The following DDX60 variants were observed in gnomAD, a reference collection of about 807,000 sequenced individuals.
The protein encoded by DDX60 is probable ATP-dependent RNA helicase DDX60.
A neutral mutation model predicts 212.8 loss-of-function variants in DDX60; 165 were observed. The ratio of observed to expected loss-of-function variants is 0.78; its 90% CI spans 0.68 to 0.88. The LOEUF (loss-of-function observed/expected upper bound fraction) is 0.88. DDX60 is among the 40% of genes least tolerant of loss of function. The pLI is 0.00. For synonymous variants in DDX60, 703 were observed against 685.3 expected (o/e 1.03, Z -0.40); for missense variants, 1,905 against 2,003.9 (o/e 0.95, Z 0.94).
At chr4:168,286,966 T>C (rs1011416601) in intron 10 of DDX60, 82 bp downstream of exon 10, 3 of 1,040,634 alleles carry the variant, frequency 2.9e-6, no homozygotes, top group Admixed American at 6.4e-5. Context: ...TATTTATACT[T>C]GCAGCACTGA....
At chr4:168,228,799 T>C (rs1733346309) in intron 33 of DDX60, among the ~76,000 whole-genome samples, 1 of 152,118 alleles carries the variant, frequency 6.6e-6, no homozygotes, top group African/African-American at 2.4e-5. Context: ...ATTTTTTCTA[T>C]GTACCTAAAG....
chr4:168,249,634 A>C (rs1309581738), intron 28 of DDX60, among the ~76,000 whole-genome samples: 1 of 152,210 alleles, frequency 6.6e-6, no homozygotes, highest in African/African-American at 2.4e-5. Flanking sequence ...TTGAGCAACT[A>C]CTATTTAACA....
At chr4:168,311,589 G>T (rs1737136894) in intron 1 of DDX60, among the ~76,000 whole-genome samples, 1 of 152,122 alleles carries the variant, frequency 6.6e-6, no homozygotes, top group Admixed American at 6.6e-5. Flanking sequence ...TTTCCCTAAA[G>T]AAATAATGCT....
intron 3 of DDX60, among the ~76,000 whole-genome samples, chr4:168,310,285 T>A (rs1028880128): frequency 6.6e-6 from 1 of 152,068 alleles, no homozygotes; most frequent in African/African-American, 2.4e-5. Flanking sequence ...CACACAGTAA[T>A]CTATGGAAAG....
intron 30 of DDX60, among the ~76,000 whole-genome samples, chr4:168,238,055 A>T (rs1733692444): frequency 6.6e-6 from 1 of 152,004 alleles, no homozygotes; most frequent in African/African-American, 2.4e-5. Context: ...AAGAGTTTAT[A>T]GCTTTTAAGT....
chr4:168,302,547 T>A (rs1302761704), intron 5 of DDX60, 131 bp from the exon 6 acceptor site: 2 of 442,292 alleles, frequency 4.5e-6, no homozygotes, highest in African/African-American at 4.1e-5. Context: ...TATGCCAATG[T>A]AATTGTAAGT....
intron 9 of DDX60, among the ~76,000 whole-genome samples, chr4:168,287,630 A>G (rs939152278): frequency 6.6e-6 from 1 of 152,168 alleles, no homozygotes; most frequent in Non-Finnish European, 1.5e-5. Flanking sequence ...AAGGAACCAC[A>G]TCACTGTGGT....
intron 6 of DDX60, among the ~76,000 whole-genome samples, chr4:168,295,838 G>A (rs537451497): frequency 2.0e-5 from 3 of 152,264 alleles, no homozygotes; most frequent in African/African-American, 4.8e-5. Context: ...AAAACGGGGG[G>A]AAATCCTGTC....
Position 168,277,478 on chromosome 4 carries a change from A to T in DDX60, c.1979-1297T>A, listed in dbSNP as rs557866957. Reference sequence around the variant, plus strand: ...TGAGATTTCATTGCTCATTGATAAAATACAAAATTGTCCTTTTATTGGTGG... The same window carrying T: ...TGAGATTTCATTGCTCATTGATAAATTACAAAATTGTCCTTTTATTGGTGG... On this transcript the variant is annotated intron_variant, in intron 14 of 37. Transcript: ENST00000393743. 3.9e-5 allele frequency among the ~76,000 whole-genome samples: 6 copies of T among 152,274 alleles called. No homozygotes were observed. The East Asian group carries it at 1.2e-3, about 29-fold the overall frequency.
chr4:168,306,590 C>A lies in DDX60; in HGVS notation c.395G>T (p.Gly132Val). The A allele has an allele frequency of 6.2e-7, 1 of 1,614,068 alleles. No individual in the cohort carries two copies. Among genetic ancestry groups the A allele is most frequent in the Admixed American group, 1.7e-5 (1 of 60,020 alleles). ...TGGGTAACTCTCTTCCAAGAAACTT[C>A]CCCACTCTTTTGATAAGCATCTCGA... Reference protein sequence around the residue: ...TFSRCLSKEWGSFLEESYPYF... With the variant: ...TFSRCLSKEWVSFLEESYPYF... The change falls in exon 5 of 38, where the codon GGA becomes GTA. Residue 132 changes from glycine (G) to valine (V), a missense_variant. Transcript: ENST00000393743.
intron 10 of DDX60, 97 bp from the exon 11 acceptor site, chr4:168,285,595 T>C (rs988567663): frequency 1.5e-5 from 11 of 719,442 alleles, no homozygotes; most frequent in Admixed American, 1.5e-4. Context: ...ATTAAAAACA[T>C]TTTATATTAA....
At chr4:168,285,892 G>C (rs902208922) in intron 10 of DDX60, among the ~76,000 whole-genome samples, 1 of 120,654 alleles carries the variant, frequency 8.3e-6, no homozygotes, top group African/African-American at 3.4e-5. Flanking sequence ...AGGAAGGAGG[G>C]AAGAAAGGAA....
chr4:168,245,677 T>C (rs9996484), intron 30 of DDX60, among the ~76,000 whole-genome samples: 14,058 of 152,164 alleles, frequency 0.092, 851 homozygotes, highest in Admixed American at 0.15. Context: ...ACTGGGCATG[T>C]TAATCACTAT....
intron 18 of DDX60, 37 bp downstream of exon 18, chr4:168,273,242 T>C (rs945892080): frequency 4.4e-6 from 7 of 1,593,714 alleles, no homozygotes; most frequent in Non-Finnish European, 6.0e-6. Flanking sequence ...TACAGTTATA[T>C]AATTTGATAA....
intron 18 of DDX60, among the ~76,000 whole-genome samples, chr4:168,272,703 C>T (rs954249390): frequency 5.9e-5 from 9 of 152,206 alleles, no homozygotes; most frequent in Non-Finnish European, 1.0e-4. Context: ...ACTGGGGGAG[C>T]TGATGGCTGG....
rs71867661 is a variant in DDX60 at position 168,286,389 on chromosome 4, T to TACACACACACACACACACACACAC, written c.1339+635_1339+658dup. On this transcript the variant is annotated intron_variant, in intron 10 of 37. Transcript: ENST00000393743. ...TTCTCTTGAGTCCTCCTTGATTTTA[T>TACACACACACACACACACACACAC]ACACACACACACACACACACACACA... Among the ~76,000 whole-genome samples, 301 of 133,724 alleles carry TACACACACACACACACACACACAC rather than the reference T, an allele frequency of 2.3e-3. 1 individual carries two copies. The highest frequency in any genetic ancestry group is 3.6e-3 in the Non-Finnish European group (231 of 64,310). 87.7% of individuals were successfully genotyped at this position (133,724 alleles called of 152,430 possible). A position where few individuals can be genotyped will look rare whatever the true frequency, so the allele number is the denominator to read the frequency against.
intron 36 of DDX60, 51 bp from the exon 37 acceptor site, chr4:168,220,768 T>A (rs1733024560): frequency 1.0e-6 from 1 of 970,612 alleles, no homozygotes; most frequent in Non-Finnish European, 1.4e-6. Flanking sequence ...TTAAAGAACA[T>A]CCTATTTTAT....
At chr4:168,304,089 C>T (rs990240622) in intron 5 of DDX60, among the ~76,000 whole-genome samples, 5 of 152,218 alleles carry the variant, frequency 3.3e-5, no homozygotes, top group African/African-American at 1.2e-4. Flanking sequence ...CTGTACTATG[C>T]GAATTTTTTA....
chr4:168,259,645 T>C (rs1734546602), intron 25 of DDX60, among the ~76,000 whole-genome samples: 1 of 150,952 alleles, frequency 6.6e-6, no homozygotes, highest in African/African-American at 2.4e-5. Flanking sequence ...CCAAAGTAAA[T>C]AGAGTATTGT....
Sources: gnomAD v4.1 joint callset for allele counts (sites outside exome capture counted in the v4.1 genomes callset) on GRCh38, gnomAD v4.1.1 for gene constraint, MANE v1.5 for transcripts, NCBI Gene and HGNC (gene_info 2026-07-23, HGNC 2026-07-21) for gene names.